PHF14: variants seen among roughly 807,000 people sequenced by gnomAD.
PHF14 encodes the protein PHD finger protein 14.
In PHF14, 55 loss-of-function variants were observed where a neutral mutation model predicts 117.9. That is an observed-to-expected ratio of 0.47 (90% CI 0.38 to 0.58). The LOEUF (loss-of-function observed/expected upper bound fraction) is 0.58. PHF14 is among the 20% of genes least tolerant of loss of function. The pLI is 0.00. For synonymous variants in PHF14, 409 were observed against 368.6 expected (o/e 1.11, Z -1.26); for missense variants, 978 against 1,122.2 (o/e 0.87, Z 1.84).
chr7:10,994,698 G>A (rs997165935), intron 4 of PHF14, among the ~76,000 whole-genome samples: 6 of 152,078 alleles, frequency 3.9e-5, no homozygotes, highest in African/African-American at 1.4e-4. Context: ...TAAAGGCGGC[G>A]TGTCCGGAGT....
At chr7:11,084,938 T>G (rs569637375) in intron 16 of PHF14, among the ~76,000 whole-genome samples, 1 of 152,170 alleles carries the variant, frequency 6.6e-6, no homozygotes, top group Non-Finnish European at 1.5e-5. Flanking sequence ...TTTTTAAAAA[T>G]GAGTTTATTA....
At chr7:11,039,000 T>C (rs1190069296) in intron 11 of PHF14, 145 bp downstream of exon 11, 2 of 421,900 alleles carry the variant, frequency 4.7e-6, no homozygotes, top group Non-Finnish European at 4.3e-6. Context: ...TGATTTCTGC[T>C]TGAAATACAC....
At chr7:11,092,825 T>C (rs117761700) in intron 16 of PHF14, among the ~76,000 whole-genome samples, 2,081 of 152,298 alleles carry the variant, frequency 0.014, 16 homozygotes, top group Non-Finnish European at 0.021. Flanking sequence ...AATGGTATTA[T>C]AAAATGTTGA....
intron 5 of PHF14, among the ~76,000 whole-genome samples, chr7:11,021,599 G>A (rs3801435): frequency 0.64 from 97,000 of 151,916 alleles, 31,624 homozygotes; most frequent in Middle Eastern, 0.71. Context: ...AGGTTTATCA[G>A]AGATAAACTC....
At chr7:11,008,425 A>G (rs1437361028) in intron 4 of PHF14, among the ~76,000 whole-genome samples, 1 of 152,078 alleles carries the variant, frequency 6.6e-6, no homozygotes, top group African/African-American at 2.4e-5. Flanking sequence ...CTGGTGAGGG[A>G]GCATTACTGC....
intron 16 of PHF14, chr7:11,102,924 G>A (rs1054049669): frequency 1.4e-5 from 15 of 1,056,532 alleles, no homozygotes; most frequent in Non-Finnish European, 1.7e-5. Context: ...AGTTACTGAA[G>A]CCTGTGGGAC....
At chr7:11,152,583 T>TTC (rs1209557493) in intron 17 of PHF14, among the ~76,000 whole-genome samples, 2 of 152,164 alleles carry the variant, frequency 1.3e-5, no homozygotes, top group Non-Finnish European at 2.9e-5. Flanking sequence ...CCAATAACTA[T>TTC]TCATAAGAAC....
rs959728338 is a variant in PHF14, at chr7:11,128,475, C to G, written c.2772+17008C>G. Among the ~76,000 whole-genome samples the G allele has an allele frequency of 8.5e-5, 13 of 152,054 alleles. No homozygotes were observed. In the East Asian group the frequency reaches 2.5e-3, roughly 29 times the overall value. On this transcript the variant is annotated intron_variant, in intron 17 of 17. Coordinates refer to ENST00000634607, the MANE Select transcript of PHF14 (RefSeq NM_001007157.2). ...CCAAACATCTCCTTTCTCTTCAGTA[C>G]TTGTTTCTGTTCTCATTAAGCCATT...
chr7:11,029,617 TTAAAA>T (rs1360775337), intron 7 of PHF14, among the ~76,000 whole-genome samples: 3 of 152,188 alleles, frequency 2.0e-5, no homozygotes, highest in Non-Finnish European at 4.4e-5. Flanking sequence ...GACCCATTAT[TTAAAA>T]TAAATTAATG....
chr7:11,090,672 T>G (rs1392284454), intron 16 of PHF14, among the ~76,000 whole-genome samples: 1 of 152,232 alleles, frequency 6.6e-6, no homozygotes, highest in Non-Finnish European at 1.5e-5. Context: ...ATAAGATTCC[T>G]GTGTTTGTTT....
intron 14 of PHF14, among the ~76,000 whole-genome samples, chr7:11,052,803 T>C (rs1331521927): frequency 6.6e-6 from 1 of 152,126 alleles, no homozygotes; most frequent in Non-Finnish European, 1.5e-5. Context: ...TCTGTTGGGG[T>C]GTTTACCTTT....
intron 16 of PHF14, among the ~76,000 whole-genome samples, chr7:11,088,122 T>C (rs1276588501): frequency 7.9e-5 from 12 of 152,218 alleles, no homozygotes; most frequent in South Asian, 2.1e-4. Flanking sequence ...AAGTCCCTTA[T>C]GTAAAATGCC....
chr7:11,020,567 T>G (rs1356671892), intron 5 of PHF14, among the ~76,000 whole-genome samples: 1 of 151,958 alleles, frequency 6.6e-6, no homozygotes, highest in Non-Finnish European at 1.5e-5. Flanking sequence ...TTTGTAGCGA[T>G]GGGGTTTCAC....
intron 17 of PHF14, among the ~76,000 whole-genome samples, chr7:11,149,763 A>G (rs1788654176): frequency 6.6e-6 from 1 of 152,096 alleles, no homozygotes; most frequent in South Asian, 2.1e-4. Context: ...TCATGAATGA[A>G]TAGAGATTCT....
At chr7:11,138,395 G>T (rs1385556434) in intron 17 of PHF14, among the ~76,000 whole-genome samples, 2 of 152,076 alleles carry the variant, frequency 1.3e-5, no homozygotes, top group Non-Finnish European at 2.9e-5. Context: ...AAAAAACACA[G>T]TTGAGAAACA....
At chr7:10,980,173 A>G (rs58700195) in intron 2 of PHF14, among the ~76,000 whole-genome samples, 1 of 152,260 alleles carries the variant, frequency 6.6e-6, no homozygotes, top group East Asian at 1.9e-4. Context: ...TTGATCAGCT[A>G]CCCACACTTC....
chr7:11,107,151 G>A (rs1379948947), intron 16 of PHF14: 1 of 984,364 alleles, frequency 1.0e-6, no homozygotes, highest in Non-Finnish European at 1.2e-6. Flanking sequence ...CTGACTTTTG[G>A]CCTCTTAGGC....
intron 16 of PHF14, among the ~76,000 whole-genome samples, chr7:11,070,797 GC>G (rs1279485156): frequency 2.0e-5 from 3 of 152,138 alleles, no homozygotes; most frequent in East Asian, 3.8e-4. Flanking sequence ...ATGCAATATG[GC>G]TCAGGCTGTT....
rs1583434841 is a variant in PHF14 at position 11,071,212 on chromosome 7, C to G, written c.2654+9127C>G. ...AGGAGAATACCTTAGGCTGTAACCTCTCTGAAGCCTAGTACACTAGCTCTG... is the reference window on the plus strand; with the variant it reads ...AGGAGAATACCTTAGGCTGTAACCTGTCTGAAGCCTAGTACACTAGCTCTG... On this transcript the variant is annotated intron_variant, in intron 16 of 17. Transcript: ENST00000634607. 5 of 515,046 alleles carry G rather than the reference C, an allele frequency of 9.7e-6. No homozygotes were observed. The East Asian group carries it at 2.2e-4, about 22-fold the overall frequency. The allele number at this position is 515,046 out of a possible 1,614,324, so 31.9% of individuals were successfully genotyped here.
Sources: gnomAD v4.1 joint callset for allele counts (sites outside exome capture counted in the v4.1 genomes callset) on GRCh38, gnomAD v4.1.1 for gene constraint, MANE v1.5 for transcripts, NCBI Gene and HGNC (gene_info 2026-07-23, HGNC 2026-07-21) for gene names.